Variants in ZNF808 observed in about 807,000 individuals in gnomAD.
The protein encoded by ZNF808 is zinc finger protein 808.
Under a neutral mutation model 8.7 loss-of-function variants are expected in ZNF808, and 5 were observed. The observed-to-expected ratio is 0.58, with a 90% CI of 0.30 to 1.21. The LOEUF (loss-of-function observed/expected upper bound fraction) is 1.21, where lower values mean the gene tolerates loss of function less well. ZNF808 is among the 50% of genes most tolerant of loss of function. The pLI, the probability that ZNF808 is intolerant of heterozygous loss-of-function variation, is 0.07. For missense variants in ZNF808, 1,103 were observed against 1,098.4 expected, an observed-to-expected ratio of 1.00 and a Z score of -0.06; for synonymous variants, 380 against 366.0, an observed-to-expected ratio of 1.04 and a Z score of -0.44.
intron 1 of ZNF808, among the ~76,000 whole-genome samples, chr19:52,528,475 G>A (rs991163408): frequency 1.5e-4 from 23 of 152,228 alleles, no homozygotes; most frequent in African/African-American, 5.5e-4. Flanking sequence ...TGAGGGATAT[G>A]CCAAGATATG....
chr19:52,551,223 G>A (rs2059773508), intron 4 of ZNF808, among the ~76,000 whole-genome samples: 1 of 152,048 alleles, frequency 6.6e-6, no homozygotes, highest in Non-Finnish European at 1.5e-5. Flanking sequence ...GTTTTGGTAT[G>A]CACCTGTTAT....
chr19:52,536,631 G>T (rs2059614448), intron 2 of ZNF808, among the ~76,000 whole-genome samples: 2 of 152,164 alleles, frequency 1.3e-5, no homozygotes, highest in South Asian at 4.1e-4. Context: ...TGCCTGCCCA[G>T]CTCCACCCTC....
In ZNF808 at chr19:52,555,786, A is replaced by G; in HGVS notation, c.*158A>G. ...CATTGGCAACCTCATACTGGAGAGAAACCTTACAAATGTCATGATTGAGGC... is the reference window on the plus strand; with the variant it reads ...CATTGGCAACCTCATACTGGAGAGAGACCTTACAAATGTCATGATTGAGGC... On this transcript the variant is annotated 3_prime_UTR_variant, in exon 5 of 5. Coordinates refer to ENST00000359798, the MANE Select transcript of ZNF808 (RefSeq NM_001039886.4). The G allele has an allele frequency of 2.7e-6, 3 of 1,120,090 alleles. No homozygotes were observed. The highest frequency in any genetic ancestry group is 2.5e-5 in the East Asian group (1 of 40,548). 69.4% of individuals were successfully genotyped at this position (1,120,090 alleles called of 1,614,324 possible).
intron 2 of ZNF808, among the ~76,000 whole-genome samples, chr19:52,537,186 C>CA (rs34203524): frequency 0.4 from 60,240 of 149,582 alleles, 14,713 homozygotes; most frequent in African/African-American, 0.68. Flanking sequence ...AACTCTTTCT[C>CA]AAAAAAAAAG....
rs532070769 is a variant in ZNF808, at chr19:52,552,981, C to T, written c.191-126C>T. On this transcript the variant is annotated intron_variant, in intron 4 of 4. Transcript: ENST00000359798. ...AAAGAATCTCACTCTTTTTGTGTTC[C>T]TAAACTTTGAATATCATGTTTGGGA... 4.7e-5 allele frequency: 63 copies of T among 1,349,834 alleles called. No homozygotes were observed. The African/African-American group carries it at 8.8e-4, about 19-fold the overall frequency. The allele number at this position is 1,349,834 out of a possible 1,614,324, so 83.6% of individuals were successfully genotyped here. A position where few individuals can be genotyped will look rare whatever the true frequency, so the allele number is the denominator to read the frequency against.
At position 52,554,569 on chromosome 19, in the gene ZNF808, T is replaced by C. The variant is rs537179814; in HGVS notation, c.1653T>C (p.Asn551=). The change falls in exon 5 of 5, where the codon AAT becomes AAC. Residue 551 remains asparagine (N), a synonymous_variant. Transcript: ENST00000359798. ...TTTGTAACAAGGTTTTCATGCGTAA[T>C]TCAGTCCTGGCTGTACATACTAGAA... is the stretch of plus-strand genomic sequence containing the variant. ...CTVCNKVFMR[N]SVLAVHTRIH... The C allele has an allele frequency of 2.5e-6, 4 of 1,613,698 alleles. No homozygotes were observed. In the African/African-American group the frequency reaches 4.0e-5, roughly 16 times the overall value.
At chr19:52,530,663 A>G (rs1357460892) in intron 1 of ZNF808, among the ~76,000 whole-genome samples, 2 of 109,644 alleles carry the variant, frequency 1.8e-5, no homozygotes, top group East Asian at 5.7e-4. Flanking sequence ...ACTCCATCTG[A>G]CAAAAAAAAA....
chr19:52,529,204 C>G (rs972682294), intron 1 of ZNF808, among the ~76,000 whole-genome samples: 10 of 147,796 alleles, frequency 6.8e-5, no homozygotes, highest in African/African-American at 1.3e-4. Context: ...AGTGAGACCC[C>G]TATCTCTGCC....
intron 4 of ZNF808, among the ~76,000 whole-genome samples, chr19:52,552,297 A>T (rs1224068676): frequency 6.6e-6 from 1 of 152,082 alleles, no homozygotes; most frequent in Non-Finnish European, 1.5e-5. Flanking sequence ...GATTACAGGC[A>T]TGAGCCACCG....
Position 52,547,650 on chromosome 19 carries a change from G to T in ZNF808, c.190+12G>T, listed in dbSNP as rs751110530. 3.7e-6 allele frequency: 6 copies of T among 1,613,068 alleles called. No individual in the cohort carries two copies. The highest frequency in any genetic ancestry group is 1.7e-4 in the Middle Eastern group (1 of 6,056). On this transcript the variant is annotated intron_variant, in intron 4 of 4. Coordinates refer to ENST00000359798, the MANE Select transcript of ZNF808 (RefSeq NM_001039886.4). Reference sequence around the variant, plus strand: ...CCTGGAGGCTGTGGGTGAGGAAAATGTCCCTGCAGACATGAGGAGTCTGCT... The same window carrying T: ...CCTGGAGGCTGTGGGTGAGGAAAATTTCCCTGCAGACATGAGGAGTCTGCT...
At chr19:52,564,075 C>CA (rs1859078853) in exon 4 of ZNF808, 1 of 634,686 alleles carries the variant, frequency 1.6e-6, no homozygotes, top group Non-Finnish European at 2.9e-6. Context: ...CACTTCTTGT[C>CA]ATGTCTTCTC....
chr19:52,566,196 A>G (rs545106002), downstream of ZNF808, among the ~76,000 whole-genome samples: 5 of 152,060 alleles, frequency 3.3e-5, no homozygotes, highest in South Asian at 1.0e-3. Flanking sequence ...ACGGAGTTTC[A>G]ATCTTGTTGC....
At chr19:52,540,023 A>C (rs1272811047) in intron 2 of ZNF808, among the ~76,000 whole-genome samples, 6 of 151,630 alleles carry the variant, frequency 4.0e-5, no homozygotes, top group Non-Finnish European at 7.4e-5. Context: ...GTTTAGATAT[A>C]TGTATTTATT....
At chr19:52,557,816 A>C (rs979010511), downstream of ZNF808, among the ~76,000 whole-genome samples, 2 of 151,946 alleles carry the variant, frequency 1.3e-5, no homozygotes, top group African/African-American at 4.8e-5. Flanking sequence ...GATAAGACCA[A>C]CCCCTCCCAT....
intron 2 of ZNF808, among the ~76,000 whole-genome samples, chr19:52,535,410 G>C (rs2059597944): frequency 6.6e-6 from 1 of 151,966 alleles, no homozygotes; most frequent in Admixed American, 6.6e-5. Flanking sequence ...TGCGGGAGGG[G>C]GTGTTACTTT....
chr19:52,548,069 C>T (rs2059740886), intron 4 of ZNF808, among the ~76,000 whole-genome samples: 2 of 152,182 alleles, frequency 1.3e-5, no homozygotes, highest in East Asian at 3.9e-4. Flanking sequence ...ATCACAGAAG[C>T]GTCTCTCACT....
At chr19:52,533,855 A>G (rs1413151975) in intron 2 of ZNF808, among the ~76,000 whole-genome samples, 1 of 150,990 alleles carries the variant, frequency 6.6e-6, no homozygotes. Flanking sequence ...AAAAAAAAAA[A>G]AAAAAAAAAA....
downstream of ZNF808, among the ~76,000 whole-genome samples, chr19:52,561,280 C>T (rs2059857449): frequency 6.8e-6 from 1 of 148,002 alleles, no homozygotes; most frequent in Admixed American, 6.8e-5. Context: ...GGTACATGTG[C>T]ACAACGTGCA....
At chr19:52,561,570 G>A (rs923991960) in intron 3 of ZNF808, among the ~76,000 whole-genome samples, 1 of 148,946 alleles carries the variant, frequency 6.7e-6, no homozygotes, top group Non-Finnish European at 1.5e-5. Context: ...TTTTTGAGAC[G>A]GAGTTTCGTT....
Sources: allele counts gnomAD v4.1 joint callset (sites outside exome capture counted in the v4.1 genomes callset), GRCh38; gene constraint gnomAD v4.1.1; transcripts MANE v1.5; gene names NCBI Gene and HGNC (gene_info 2026-07-23, HGNC 2026-07-21).